PNLIPRP3: variants seen among roughly 807,000 people sequenced by gnomAD.
The protein encoded by PNLIPRP3 is pancreatic lipase related protein 3.
A neutral mutation model predicts 52.8 loss-of-function variants in PNLIPRP3; 58 were observed. The ratio of observed to expected loss-of-function variants is 1.10; its 90% CI spans 0.89 to 1.37. The LOEUF (loss-of-function observed/expected upper bound fraction) is 1.37. Among genes scored for constraint, PNLIPRP3 ranks in the 40% most tolerant of loss-of-function variants. The pLI, the probability that PNLIPRP3 is intolerant of heterozygous loss-of-function variation, is 0.00. For synonymous variants in PNLIPRP3, 192 were observed against 185.0 expected (o/e 1.04, Z -0.31); for missense variants, 593 against 561.6 (o/e 1.06, Z -0.57).
At position 116,470,953 on chromosome 10, in the gene PNLIPRP3, G is replaced by T. The variant is rs113102935; in HGVS notation, c.1061-815G>T. On this transcript the variant is annotated intron_variant, in intron 9 of 11. Coordinates refer to ENST00000369230, the MANE Select transcript of PNLIPRP3 (RefSeq NM_001011709.3). ...TTCAACCCTTAGTGAGCTTGGCTGG[G>T]GTGGTTTCAGTGGAGAGACAGCAGG... is the stretch of plus-strand genomic sequence containing the variant. Among the ~76,000 whole-genome samples the T allele has an allele frequency of 2.6e-3, 393 of 152,282 alleles. 3 individuals carry two copies. The highest frequency in any genetic ancestry group is 9.1e-3 in the African/African-American group (378 of 41,562).
At position 116,427,970 on chromosome 10, in the gene PNLIPRP3, G is replaced by T. The variant is rs779651194; in HGVS notation, c.-43G>T. 3 of 1,472,758 alleles carry T rather than the reference G, an allele frequency of 2.0e-6. No homozygotes were observed. The highest frequency in any genetic ancestry group is 2.3e-5 in the South Asian group (2 of 86,752). The allele number at this position is 1,472,758 out of a possible 1,614,324, so 91.2% of individuals were successfully genotyped here. A position where few individuals can be genotyped will look rare whatever the true frequency, so the allele number is the denominator to read the frequency against. ...ATAGTGAGGTGACTTTACAAGTAAA[G>T]ATCTTCAAGAAGATTTTTATGTGAT... On this transcript the variant is annotated 5_prime_UTR_variant, in exon 1 of 12. Transcript: ENST00000369230.
chr10:116,448,030 G>GA (rs1019090005), intron 4 of PNLIPRP3, among the ~76,000 whole-genome samples: 1 of 4,824 alleles, frequency 2.1e-4, no homozygotes, highest in African/African-American at 2.8e-4. Context: ...AGGAAGGAAA[G>GA]AAAGAAAGAA....
intron 1 of PNLIPRP3, among the ~76,000 whole-genome samples, chr10:116,435,307 G>A (rs1825993365): frequency 6.6e-6 from 1 of 152,114 alleles, no homozygotes; most frequent in African/African-American, 2.4e-5. Flanking sequence ...GAAGCTGGAA[G>A]GGAGGAAGAG....
intron 10 of PNLIPRP3, among the ~76,000 whole-genome samples, chr10:116,474,360 A>C (rs1173899930): frequency 6.6e-6 from 1 of 152,220 alleles, no homozygotes; most frequent in East Asian, 1.9e-4. Context: ...AAAACAACTT[A>C]GGTAATACCA....
intron 7 of PNLIPRP3, among the ~76,000 whole-genome samples, chr10:116,465,772 T>G (rs932617148): frequency 3.9e-5 from 6 of 152,184 alleles, no homozygotes; most frequent in Non-Finnish European, 8.8e-5. Flanking sequence ...CCACTGTCAC[T>G]AGGAAGTGAC....
intron 9 of PNLIPRP3, among the ~76,000 whole-genome samples, chr10:116,471,262 C>T (rs1397623794): frequency 2.6e-5 from 4 of 152,154 alleles, no homozygotes; most frequent in Non-Finnish European, 4.4e-5. Flanking sequence ...TCTACGTGTA[C>T]TGGGCATTCT....
At chr10:116,454,261 G>A (rs1302258535) in intron 4 of PNLIPRP3, among the ~76,000 whole-genome samples, 1 of 152,032 alleles carries the variant, frequency 6.6e-6, no homozygotes, top group Non-Finnish European at 1.5e-5. Context: ...TGGGATTACA[G>A]GCACACACCA....
At chr10:116,457,731 G>A (rs982056393) in intron 5 of PNLIPRP3, among the ~76,000 whole-genome samples, 2 of 152,210 alleles carry the variant, frequency 1.3e-5, no homozygotes, top group Non-Finnish European at 2.9e-5. Context: ...CAGGCTGAGT[G>A]AAGCAGAACA....
chr10:116,446,341 G>A (rs572419544), intron 4 of PNLIPRP3, among the ~76,000 whole-genome samples: 2 of 71,164 alleles, frequency 2.8e-5, no homozygotes, highest in African/African-American at 1.0e-4. Context: ...GCGACGCTGC[G>A]TCTCAAAAAA....
chr10:116,441,173 A>G (rs1011033147), intron 2 of PNLIPRP3, among the ~76,000 whole-genome samples: 1 of 152,126 alleles, frequency 6.6e-6, no homozygotes, highest in Admixed American at 6.6e-5. Context: ...AGTGAATGTG[A>G]AAGTGTTTTC....
chr10:116,440,097 C>T (rs1026758732), intron 2 of PNLIPRP3: 3 of 679,336 alleles, frequency 4.4e-6, no homozygotes, highest in African/African-American at 3.6e-5. Flanking sequence ...TGAAGAGAAT[C>T]TATGTAGAAT....
intron 3 of PNLIPRP3, among the ~76,000 whole-genome samples, chr10:116,443,777 G>A (rs1845896222): frequency 1.7e-5 from 1 of 59,486 alleles, no homozygotes; most frequent in African/African-American, 4.3e-5. Context: ...GTGTGTGTGT[G>A]TGTGTGTGTA....
At position 116,447,114 on chromosome 10, in the gene PNLIPRP3, G is replaced by A. The variant is rs138841547; in HGVS notation, c.456+2601G>A. 4.6e-5 allele frequency among the ~76,000 whole-genome samples: 7 copies of A among 152,288 alleles called. No homozygotes were observed. The East Asian group carries it at 7.7e-4, about 17-fold the overall frequency. On this transcript the variant is annotated intron_variant, in intron 4 of 11. Transcript: ENST00000369230. The stretch of plus-strand genomic sequence containing the variant: ...TTGAGTAGAATACCCTAGATCCCAT[G>A]TTCTCCTTGGGAGGAAAAGAGTTAA...
At chr10:116,460,867 G>T in intron 5 of PNLIPRP3, 99 bp from the exon 6 acceptor site, 1 of 1,475,604 alleles carries the variant, frequency 6.8e-7, no homozygotes, top group South Asian at 1.3e-5. Context: ...AGTGATCTTT[G>T]ATTGATAGAA....
chr10:116,438,618 A>G (rs1216809923), intron 2 of PNLIPRP3, among the ~76,000 whole-genome samples: 1 of 152,194 alleles, frequency 6.6e-6, no homozygotes, highest in Non-Finnish European at 1.5e-5. Flanking sequence ...GTGTAGTTAA[A>G]CCAGATCTGT....
At chr10:116,428,167 CATTCT>C in intron 1 of PNLIPRP3, 106 bp downstream of exon 1, 1 of 791,138 alleles carries the variant, frequency 1.3e-6, no homozygotes, top group Non-Finnish European at 2.0e-6. Flanking sequence ...TTGCTAATTT[CATTCT>C]TAAGTAGTTT....
intron 1 of PNLIPRP3, among the ~76,000 whole-genome samples, chr10:116,433,114 CA>C (rs71010080): frequency 0.017 from 144 of 8,414 alleles, 1 homozygote; most frequent in East Asian, 0.061. Flanking sequence ...AACTCCATCT[CA>C]AAAAAAAAAA....
chr10:116,436,843 T>C lies in PNLIPRP3; in HGVS notation c.182T>C (p.Ile61Thr), dbSNP rs776713019. Residue 61 changes from isoleucine to threonine, a missense_variant, in exon 2 of 12, where the codon ATA becomes ACA. By Grantham distance (89) the Ile-to-Thr change is moderately conservative. Transcript: ENST00000369230. ...AACACTCGTTTCCTGCTCTACACTA[T>C]ACACAATCCCAATGCCTATCAGGTA... ...KINTRFLLYT[I>T]HNPNAYQEIS... The C allele has an allele frequency of 1.5e-5, 24 of 1,605,046 alleles. No homozygotes were observed. In the East Asian group the frequency reaches 3.1e-4, roughly 21 times the overall value.
In PNLIPRP3 at chr10:116,443,799, GTGCATATATATATATATA is replaced by G. The variant is rs1220125349; in HGVS notation, c.325-581_325-564del. On this transcript the variant is annotated intron_variant, in intron 3 of 11. Transcript: ENST00000369230. ...TGTGTGTGTGTGTATGTATGTGTGTGTGCATATATATATATATATATATATATATATATATATATATAT... is the reference window on the plus strand; with the variant it reads ...TGTGTGTGTGTGTATGTATGTGTGTGTATATATATATATATATATATATAT... 5.2e-3 allele frequency among the ~76,000 whole-genome samples: 40 copies of G among 7,700 alleles called. 1 individual carries two copies. Among genetic ancestry groups the G allele is most frequent in the South Asian group, 0.023 (1 of 44 alleles). 5.1% of individuals were successfully genotyped at this position (7,700 alleles called of 152,430 possible).
Sources: allele counts gnomAD v4.1 joint callset (sites outside exome capture counted in the v4.1 genomes callset), GRCh38; gene constraint gnomAD v4.1.1; transcripts MANE v1.5; gene names NCBI Gene and HGNC (gene_info 2026-07-23, HGNC 2026-07-21).